The following MDN1 variants were observed in gnomAD, a reference collection of about 807,000 sequenced individuals.
MDN1 encodes the protein midasin.
In MDN1, 266 loss-of-function variants were observed where a neutral mutation model predicts 669.2. The observed-to-expected ratio is 0.40, with a 90% CI of 0.36 to 0.44. MDN1 has a LOEUF of 0.44. Ranked by LOEUF, MDN1 falls within the 20% of genes least tolerant of loss-of-function variation. The probability of loss-of-function intolerance (pLI) is 1.00; values close to 1 mark genes in which losing one functional copy is unlikely to be tolerated. For synonymous variants in MDN1, 2,385 were observed against 2,457.1 expected (o/e 0.97, Z 0.87); for missense variants, 5,940 against 6,754.0 (o/e 0.88, Z 4.22).
At chr6:89,694,972 G>A (rs1217388517) in intron 61 of MDN1, among the ~76,000 whole-genome samples, 1 of 152,158 alleles carries the variant, frequency 6.6e-6, no homozygotes, top group Non-Finnish European at 1.5e-5. Context: ...GGTAGTTCAT[G>A]CCTATAATCC....
At position 89,694,153 on chromosome 6, in the gene MDN1, G is replaced by A. The variant is rs748838171; in HGVS notation, c.9802C>T (p.Arg3268Trp). The A allele has an allele frequency of 1.4e-5, 23 of 1,614,016 alleles. No homozygotes were observed. The highest frequency in any genetic ancestry group is 1.9e-5 in the Non-Finnish European group (22 of 1,180,030). Residue 3268 changes from arginine to tryptophan, a missense_variant, in exon 62 of 102, where the codon CGG becomes TGG. By Grantham distance (101) the Arg-to-Trp change is moderately radical. Around this residue, in one of 5 missense-constraint regions of MDN1, gnomAD observed 2,292 missense variants for 2,638.3 expected, o/e 0.87. Coordinates refer to ENST00000369393, the MANE Select transcript of MDN1 (RefSeq NM_014611.3). Reference protein sequence around the residue: ...LHQLQCEWKTRNLSSQLQTGR... With the variant: ...LHQLQCEWKTWNLSSQLQTGR... ...GTCTGCAGCTGGGATGACAGGTTCC[G>A]GGTCTTCCATTCACACTGCAGTTGG...
intron 73 of MDN1, among the ~76,000 whole-genome samples, chr6:89,682,513 C>G (rs1811686581): frequency 6.6e-6 from 1 of 151,872 alleles, no homozygotes; most frequent in East Asian, 1.9e-4. Context: ...TCGAGACCAT[C>G]CTGGCTAACA....
chr6:89,676,068 G>A (rs1356988396), intron 77 of MDN1, 34 bp downstream of exon 77: 2 of 1,584,316 alleles, frequency 1.3e-6, no homozygotes, highest in South Asian at 2.2e-5. Flanking sequence ...GGCTTTCCCT[G>A]AGCCCCTGCA....
chr6:89,650,934 T>G (rs1051827725), intron 95 of MDN1, 87 bp from the exon 96 acceptor site: 1 of 1,000,228 alleles, frequency 1.0e-6, no homozygotes, highest in African/African-American at 1.6e-5. Flanking sequence ...AGCAAAGTGG[T>G]AGAAAATGAC....
intron 88 of MDN1, among the ~76,000 whole-genome samples, 155 bp from the exon 89 acceptor site, chr6:89,659,072 G>A (rs564426925): frequency 6.6e-6 from 1 of 152,282 alleles, no homozygotes; most frequent in East Asian, 1.9e-4. Context: ...GCCTCTACAT[G>A]TTTCTATGAA....
chr6:89,803,823 C>T (rs1198358745), intron 1 of MDN1, among the ~76,000 whole-genome samples: 7 of 151,424 alleles, frequency 4.6e-5, no homozygotes, highest in Admixed American at 1.3e-4. Flanking sequence ...CCTCGTGATC[C>T]GCCCGCCTCA....
At chr6:89,780,882 CT>C (rs1451328477) in intron 10 of MDN1, among the ~76,000 whole-genome samples, 2 of 151,184 alleles carry the variant, frequency 1.3e-5, no homozygotes, top group Admixed American at 1.3e-4. Flanking sequence ...AACTCCTGAT[CT>C]CATGATCCGC....
chr6:89,703,630 T>C (rs1013280808), intron 53 of MDN1, among the ~76,000 whole-genome samples: 3 of 152,154 alleles, frequency 2.0e-5, no homozygotes, highest in African/African-American at 7.2e-5. Context: ...TTTACACTAA[T>C]AGTACAAAAA....
chr6:89,665,135 C>A (rs1421790401), intron 84 of MDN1, among the ~76,000 whole-genome samples: 1 of 152,060 alleles, frequency 6.6e-6, no homozygotes, highest in Admixed American at 6.6e-5. Flanking sequence ...ATCAAGCAAT[C>A]CTCTGCCTCA....
chr6:89,746,418 C>CA (rs1816615404), intron 27 of MDN1, among the ~76,000 whole-genome samples: 4 of 151,478 alleles, frequency 2.6e-5, no homozygotes, highest in Admixed American at 2.6e-4. Context: ...ACCATCTCTA[C>CA]AAAAAATACA....
intron 27 of MDN1, 69 bp downstream of exon 27, chr6:89,747,260 G>A (rs1214550514): frequency 6.5e-7 from 1 of 1,549,132 alleles, no homozygotes; most frequent in Non-Finnish European, 8.7e-7. Flanking sequence ...TTTGAGGCAA[G>A]ATTTGTTTTA....
chr6:89,794,316 A>C (rs951579044), intron 3 of MDN1, 109 bp from the exon 4 acceptor site: 13 of 697,748 alleles, frequency 1.9e-5, no homozygotes, highest in Non-Finnish European at 3.1e-5. Flanking sequence ...CAATTATTAC[A>C]ACACATTTAA....
chr6:89,801,903 A>C (rs1463585893), intron 2 of MDN1, among the ~76,000 whole-genome samples: 1 of 152,078 alleles, frequency 6.6e-6, no homozygotes, highest in Non-Finnish European at 1.5e-5. Context: ...AAGAGGTTGC[A>C]GTAAGGTGAG....
intron 63 of MDN1, 115 bp from the exon 64 acceptor site, chr6:89,690,949 A>G: frequency 8.1e-7 from 1 of 1,236,144 alleles, no homozygotes; most frequent in East Asian, 2.5e-5. Context: ...AAAAACAAAT[A>G]AAAGCCAACA....
chr6:89,699,563 T>C, intron 58 of MDN1, 38 bp downstream of exon 58: 3 of 1,570,490 alleles, frequency 1.9e-6, no homozygotes, highest in South Asian at 1.2e-5. Flanking sequence ...AACCAACTCA[T>C]AATGTAAAGG....
At chr6:89,791,212 G>GCAAA (rs1262282510) in intron 5 of MDN1, among the ~76,000 whole-genome samples, 2 of 152,122 alleles carry the variant, frequency 1.3e-5, no homozygotes, top group Non-Finnish European at 2.9e-5. Context: ...GTAGGGAAGA[G>GCAAA]CAAACCTCAT....
intron 73 of MDN1, among the ~76,000 whole-genome samples, chr6:89,682,742 C>T (rs1477091111): frequency 3.2e-5 from 4 of 125,640 alleles, no homozygotes; most frequent in African/African-American, 1.1e-4. Context: ...AAGTTCAAGA[C>T]CAGCCTGGGC....
intron 61 of MDN1, among the ~76,000 whole-genome samples, chr6:89,694,740 G>T (rs1246329317): frequency 6.6e-6 from 1 of 150,810 alleles, no homozygotes; most frequent in Non-Finnish European, 1.5e-5. Flanking sequence ...GTAGAGACAG[G>T]AATCTTACTA....
rs78998931 is a variant in MDN1 at position 89,819,270 on chromosome 6, G to A, written c.102+236C>T. ...CAAAGCGCTTGCATAGGGGTGAGAGGCGATGGGAAGGGTACTGGAAGGCTC... is the reference window on the plus strand; with the variant it reads ...CAAAGCGCTTGCATAGGGGTGAGAGACGATGGGAAGGGTACTGGAAGGCTC... On this transcript the variant is annotated intron_variant, in intron 1 of 101. Coordinates refer to ENST00000369393, the MANE Select transcript of MDN1 (RefSeq NM_014611.3). Among the ~76,000 whole-genome samples the A allele has an allele frequency of 1.5e-3, 221 of 152,272 alleles. 2 individuals are homozygous for A. Among genetic ancestry groups the A allele is most frequent in the African/African-American group, 5.0e-3 (208 of 41,562 alleles).
Sources: gnomAD v4.1 joint callset for allele counts (sites outside exome capture counted in the v4.1 genomes callset) on GRCh38, gnomAD v4.1.1 for gene constraint, gnomAD v4.1.1 regional missense constraint, MANE v1.5 for transcripts, NCBI Gene and HGNC (gene_info 2026-07-23, HGNC 2026-07-21) for gene names.